FAM186B: variants seen among roughly 807,000 people sequenced by gnomAD.
The protein encoded by FAM186B is family with sequence similarity 186 member B.
FAM186B carries 68 observed loss-of-function variants against 83.4 expected under a neutral mutation model. The ratio of observed to expected loss-of-function variants is 0.81; its 90% CI spans 0.67 to 1.00. The LOEUF (loss-of-function observed/expected upper bound fraction) is 1.00, where lower values mean the gene tolerates loss of function less well. FAM186B is among the 50% of genes least tolerant of loss of function. FAM186B has a pLI of 0.00. For synonymous variants in FAM186B, 389 were observed against 422.0 expected (o/e 0.92, Z 0.96); for missense variants, 983 against 1,099.2 (o/e 0.89, Z 1.49).
Position 49,598,946 on chromosome 12 carries a change from G to T in FAM186B, c.2173C>A (p.Gln725Lys). 1 of 1,613,562 alleles carries T rather than the reference G, an allele frequency of 6.2e-7. No individual in the cohort carries two copies. The highest frequency in any genetic ancestry group is 8.5e-7 in the Non-Finnish European group (1 of 1,179,796). ...IFYRRLQSLR[Q>K]EAINHVQIMK... ...ATTTGTACATGGTTGATCGCTTCTTGCCTGGGAAAAGAGGAGAAGCAATTT... is the reference window on the plus strand; with the variant it reads ...ATTTGTACATGGTTGATCGCTTCTTTCCTGGGAAAAGAGGAGAAGCAATTT... Residue 725 changes from glutamine (Q) to lysine (K), a missense_variant and splice_region_variant, in exon 5 of 7, where the codon CAA becomes AAA. By Grantham distance (53) the Gln-to-Lys change is moderately conservative (BLOSUM62 1). Transcript: ENST00000257894.
At chr12:49,615,528 C>T in the FAM186B span, among the ~76,000 whole-genome samples, 21 of 152,332 alleles carry the variant, frequency 1.4e-4, no homozygotes, top group East Asian at 2.1e-3. Context: ...CAATGGCTTA[C>T]GCCTGTAATC....
chr12:49,615,841 G>T, the FAM186B span, among the ~76,000 whole-genome samples: 1 of 151,728 alleles, frequency 6.6e-6, no homozygotes, highest in African/African-American at 2.4e-5. Flanking sequence ...CACATAAAAA[G>T]ATTCTCAACT....
In FAM186B at chr12:49,600,380, T is replaced by A. The variant is rs1182145978; in HGVS notation, c.1260A>T (p.Leu420Phe). The A allele has an allele frequency of 6.2e-7, 1 of 1,614,174 alleles. No homozygotes were observed. Among genetic ancestry groups the A allele is most frequent in the East Asian group, 2.2e-5 (1 of 44,882 alleles). Reference sequence around the variant, plus strand: ...ATTTCTTAGGAAACCTGCGATCTACTAAGGGTAAAAGCACAGGCTCAAGGC... The same window carrying A: ...ATTTCTTAGGAAACCTGCGATCTACAAAGGGTAAAAGCACAGGCTCAAGGC... Reference protein sequence around the residue: ...TESLEPVLLPLVDRRFPKKWE... With the variant: ...TESLEPVLLPFVDRRFPKKWE... The change falls in exon 4 of 7, where the codon TTA becomes TTT. Residue 420 changes from leucine (L) to phenylalanine (F), a missense_variant. Physicochemically the swap from Leu to Phe is conservative, Grantham distance 22. Coordinates refer to ENST00000257894, the MANE Select transcript of FAM186B (RefSeq NM_032130.3). This position sits in a 1 kb window ranked among gnomAD's most constrained non-coding sequence, Gnocchi z 4.3.
chr12:49,603,192 C>T lies in FAM186B; in HGVS notation c.498G>A (p.Arg166=). The change falls in exon 3 of 7, where the codon AGG becomes AGA. Residue 166 remains arginine, a synonymous_variant. Transcript: ENST00000257894. ...CSTLIEGQKK[R]SQVSKRTFWQ... ...GGTGCTCCTAGAACCTACCTTGTGA[C>T]CTTTTCTTTTGTCCTTCAATGAGAG... is the stretch of plus-strand genomic sequence containing the variant. 1 of 1,614,190 alleles carries T rather than the reference C, an allele frequency of 6.2e-7. No individual in the cohort carries two copies. Among genetic ancestry groups the T allele is most frequent in the Non-Finnish European group, 8.5e-7 (1 of 1,180,034 alleles).
chr12:49,612,524 T>C, the FAM186B span, among the ~76,000 whole-genome samples: 631 of 151,596 alleles, frequency 4.2e-3, no homozygotes, highest in Non-Finnish European at 6.8e-3. Flanking sequence ...TTATGAGGTT[T>C]TTTTATGTGT....
At chr12:49,604,638 G>A in intron 1 of FAM186B, 100 bp from the exon 2 acceptor site, 1 of 872,402 alleles carries the variant, frequency 1.1e-6, no homozygotes, top group Non-Finnish European at 1.8e-6. Context: ...GCCTCTTTGG[G>A]TCTCAGTTTT....
At chr12:49,612,659 A>C in the FAM186B span, among the ~76,000 whole-genome samples, 2 of 152,066 alleles carry the variant, frequency 1.3e-5, no homozygotes, top group African/African-American at 4.8e-5. Context: ...CAGATAAAGG[A>C]TTCAATTCAA....
Position 49,593,351 on chromosome 12 carries a change from CG to C in FAM186B, c.2365-4729del, listed in dbSNP as rs1462353592. 12 of 152,134 alleles carry C rather than the reference CG, an allele frequency of 7.9e-5. No individual in the cohort carries two copies. The East Asian group carries it at 2.3e-3, about 29-fold the overall frequency. The allele number at this position is 152,134 out of a possible 1,614,324, so 9.4% of individuals were successfully genotyped here. ...AGCAAGGAATATAATTAGAAACAAACGGCCGGGTGTGGGTGGCTCATGCCTG... is the reference window on the plus strand; with the variant it reads ...AGCAAGGAATATAATTAGAAACAAACGCCGGGTGTGGGTGGCTCATGCCTG... On this transcript the variant is annotated intron_variant, in intron 5 of 6. Transcript: ENST00000257894.
chr12:49,618,716 T>C, the FAM186B span, among the ~76,000 whole-genome samples: 1 of 151,486 alleles, frequency 6.6e-6, no homozygotes, highest in East Asian at 1.9e-4. Flanking sequence ...GTTGAGGAAA[T>C]CTCCCAGAAA....
In FAM186B at chr12:49,588,678, G is replaced by A. The variant is rs1939508038; in HGVS notation, c.2365-55C>T. On this transcript the variant is annotated intron_variant, in intron 5 of 6. Coordinates refer to ENST00000257894, the MANE Select transcript of FAM186B (RefSeq NM_032130.3). Reference sequence around the variant, plus strand: ...AAACAGGAAGTTATCTCCTCTCTAGGTCGTGAGGAGGCTTTGTCTGTTTGT... The same window carrying A: ...AAACAGGAAGTTATCTCCTCTCTAGATCGTGAGGAGGCTTTGTCTGTTTGT... 1.6e-5 allele frequency: 24 copies of A among 1,501,198 alleles called. No homozygotes were observed. The South Asian group carries it at 2.6e-4, about 16-fold the overall frequency. 93.0% of individuals were successfully genotyped at this position (1,501,198 alleles called of 1,614,324 possible).
downstream of FAM186B, among the ~76,000 whole-genome samples, chr12:49,586,478 A>G (rs1428239524): frequency 6.6e-6 from 1 of 152,150 alleles, no homozygotes; most frequent in Non-Finnish European, 1.5e-5. Flanking sequence ...CGTGTGTGGA[A>G]AGAACAAAGG....
chr12:49,587,050 C>T (rs1372248343), downstream of FAM186B, among the ~76,000 whole-genome samples: 1 of 152,172 alleles, frequency 6.6e-6, no homozygotes, highest in Non-Finnish European at 1.5e-5. Flanking sequence ...AGCCTTGAGC[C>T]TCCAGTAGTG....
upstream of FAM186B, among the ~76,000 whole-genome samples, chr12:49,608,802 C>G (rs550491148): frequency 6.6e-6 from 1 of 151,766 alleles, no homozygotes; most frequent in East Asian, 2.0e-4. Context: ...GTGCCCTTTC[C>G]ACTGGAGATA....
rs1301957814 is a variant in FAM186B at position 49,603,319 on chromosome 12, GCTTCCTCTTCACT to G, written c.358_370del (p.Ser120GlnfsTer10). On this transcript the variant is annotated frameshift_variant, in exon 3 of 7. Transcript: ENST00000257894. LOFTEE classifies it high-confidence loss of function. ...TTCAATCCATTCGTCCAGAGCTGCT[GCTTCCTCTTCACT>G]CTTCCTGGGCCCAATCTCATAGGTC... 1 of 1,614,226 alleles carries G rather than the reference GCTTCCTCTTCACT, an allele frequency of 6.2e-7. No homozygotes were observed. Among genetic ancestry groups the G allele is most frequent in the African/African-American group, 1.3e-5 (1 of 75,046 alleles).
intron 2 of FAM186B, 129 bp from the exon 3 acceptor site, chr12:49,603,496 G>T: frequency 2.3e-6 from 2 of 852,406 alleles, no homozygotes; most frequent in Non-Finnish European, 3.6e-6. Flanking sequence ...GCTATGTGAT[G>T]TTGGGCAAGT....
the FAM186B span, chr12:49,619,509 T>A: frequency 4.3e-6 from 3 of 694,884 alleles, no homozygotes; most frequent in African/African-American, 5.4e-5. Flanking sequence ...TTGCATCATC[T>A]GATCCACATG....
chr12:49,597,868 T>C (rs1939764501), intron 5 of FAM186B, among the ~76,000 whole-genome samples: 1 of 152,212 alleles, frequency 6.6e-6, no homozygotes. Flanking sequence ...AAGACCAGCC[T>C]GGCCAACATG....
rs1448770601 is a variant in FAM186B, at chr12:49,589,008, C to A, written c.2365-385G>T. On this transcript the variant is annotated intron_variant, in intron 5 of 6. Transcript: ENST00000257894. ...TCTTTTCGTCCAGCCCCAGCCCTGGCACTGGGTGAGGAGCTGGGGGAACCT... is the reference window on the plus strand; with the variant it reads ...TCTTTTCGTCCAGCCCCAGCCCTGGAACTGGGTGAGGAGCTGGGGGAACCT... Among the ~76,000 whole-genome samples the A allele has an allele frequency of 2.0e-5, 3 of 152,194 alleles. No homozygotes were observed. In the East Asian group the frequency reaches 5.8e-4, roughly 29 times the overall value.
the FAM186B span, among the ~76,000 whole-genome samples, chr12:49,612,749 C>T: frequency 6.6e-6 from 1 of 152,050 alleles, no homozygotes; most frequent in African/African-American, 2.4e-5. Flanking sequence ...TACTTCTAGA[C>T]CTACAAAAAG....
Sources: gnomAD v4.1 joint callset for allele counts (sites outside exome capture counted in the v4.1 genomes callset) on GRCh38, gnomAD v4.1.1 for gene constraint, Gnocchi (gnomAD v3.1) non-coding constraint, MANE v1.5 for transcripts, NCBI Gene and HGNC (gene_info 2026-07-23, HGNC 2026-07-21) for gene names.